BUB1B: variants seen among roughly 807,000 people sequenced by gnomAD.
BUB1B encodes the protein BUB1 mitotic checkpoint serine/threonine kinase B, also known as mitotic checkpoint serine/threonine-protein kinase BUB1 beta.
Under a neutral mutation model 137.7 loss-of-function variants are expected in BUB1B, and 86 were observed. The ratio of observed to expected loss-of-function variants is 0.62; its 90% CI spans 0.52 to 0.75. BUB1B has a LOEUF of 0.75. Ranked by LOEUF, BUB1B falls within the 30% of genes least tolerant of loss-of-function variation. The pLI, the probability that BUB1B is intolerant of heterozygous loss-of-function variation, is 0.00. For missense variants in BUB1B, 1,130 were observed against 1,236.9 expected, an observed-to-expected ratio of 0.91 and a Z score of 1.30; for synonymous variants, 420 against 417.9, an observed-to-expected ratio of 1.00 and a Z score of -0.06.
intron 1 of BUB1B, among the ~76,000 whole-genome samples, chr15:40,163,293 G>C (rs758159498): frequency 7.2e-5 from 11 of 152,274 alleles, no homozygotes; most frequent in Middle Eastern, 3.4e-3. Flanking sequence ...ATCTGTAAAG[G>C]CTGGGAGCGG....
At chr15:40,207,034 T>C (rs1178917065) in intron 15 of BUB1B, among the ~76,000 whole-genome samples, 1 of 152,000 alleles carries the variant, frequency 6.6e-6, no homozygotes, top group African/African-American at 2.4e-5. Flanking sequence ...GGTCTCAAAC[T>C]CCTGACCTCA....
At chr15:40,207,866 G>A (rs887929022) in intron 15 of BUB1B, among the ~76,000 whole-genome samples, 1 of 121,594 alleles carries the variant, frequency 8.2e-6, no homozygotes, top group Non-Finnish European at 1.8e-5. Context: ...GTGATGCCTT[G>A]TGTCTAATAA....
At chr15:40,176,795 A>G in intron 5 of BUB1B, 122 bp downstream of exon 5, 2 of 1,026,728 alleles carry the variant, frequency 1.9e-6, no homozygotes, top group South Asian at 3.2e-5. Flanking sequence ...GTTACTATTC[A>G]ATTTTTTTAA....
intron 22 of BUB1B, among the ~76,000 whole-genome samples, chr15:40,218,949 T>A (rs1255561481): frequency 6.6e-6 from 1 of 152,234 alleles, no homozygotes; most frequent in African/African-American, 2.4e-5. Flanking sequence ...TCTCGCTCTG[T>A]TGCCCAGGCT....
At chr15:40,183,232 T>C (rs2037316879) in intron 5 of BUB1B, among the ~76,000 whole-genome samples, 1 of 152,222 alleles carries the variant, frequency 6.6e-6, no homozygotes, top group African/African-American at 2.4e-5. Context: ...TGTCATGTCA[T>C]ATGCAACTTC....
chr15:40,212,524 A>G lies in BUB1B; in HGVS notation c.2411A>G (p.Asp804Gly), dbSNP rs746199654. The G allele has an allele frequency of 6.2e-7, 1 of 1,612,868 alleles. No homozygotes were observed. The highest frequency in any genetic ancestry group is 1.1e-5 in the South Asian group (1 of 91,052). ...GTATCTTCTCAACCTGTCCCATGGG[A>G]CTTTTATATCAACCTCAAGTTAAAG... Reference protein sequence around the residue: ...IKVSSQPVPWDFYINLKLKER... With the variant: ...IKVSSQPVPWGFYINLKLKER... The change falls in exon 19 of 23, where the codon GAC (aspartate) becomes GGC (glycine). Residue 804 changes from aspartate (D) to glycine (G), a missense_variant. Coordinates refer to ENST00000287598, the MANE Select transcript of BUB1B (RefSeq NM_001211.6).
chr15:40,174,513 G>GT (rs922214825), intron 4 of BUB1B, among the ~76,000 whole-genome samples: 1 of 152,172 alleles, frequency 6.6e-6, no homozygotes, highest in African/African-American at 2.4e-5. Flanking sequence ...GCCATTAATT[G>GT]TAACTGTAAC....
In BUB1B at chr15:40,209,857, G is replaced by A. The variant is rs2037688339; in HGVS notation, c.2284+82G>A. ...ATTTGTACTTAAGCTTGATGCTTGA[G>A]CACTGTAAATATTCCTAGATTGTAT... On this transcript the variant is annotated intron_variant, in intron 17 of 22. Coordinates refer to ENST00000287598, the MANE Select transcript of BUB1B (RefSeq NM_001211.6). The A allele has an allele frequency of 4.5e-6, 7 of 1,542,638 alleles. No homozygotes were observed. The South Asian group carries it at 6.8e-5, about 15-fold the overall frequency.
At chr15:40,167,588 G>A (rs1168308837) in intron 2 of BUB1B, among the ~76,000 whole-genome samples, 4 of 152,154 alleles carry the variant, frequency 2.6e-5, no homozygotes, top group East Asian at 1.9e-4. Context: ...TGATCCGCCC[G>A]CCTCGGCCTC....
Position 40,218,508 on chromosome 15 carries a change from A to G in BUB1B, c.2903A>G (p.His968Arg), listed in dbSNP as rs770667608. ...DLAHLLLFKE[H>R]LQVFWDGSFW... ...GCACATTTACTATTGTTCAAGGAACACCTACAGGTCTTCTGGGATGGGTCC... is the reference window on the plus strand; with the variant it reads ...GCACATTTACTATTGTTCAAGGAACGCCTACAGGTCTTCTGGGATGGGTCC... Residue 968 changes from histidine (H) to arginine (R), a missense_variant, in exon 22 of 23, where the codon CAC becomes CGC. Coordinates refer to ENST00000287598, the MANE Select transcript of BUB1B (RefSeq NM_001211.6). 1.1e-5 allele frequency: 17 copies of G among 1,614,038 alleles called. No individual in the cohort carries two copies. The highest frequency in any genetic ancestry group is 1.4e-5 in the Non-Finnish European group (16 of 1,180,002).
intron 3 of BUB1B, 151 bp from the exon 4 acceptor site, chr15:40,170,386 G>A (rs1218785716): frequency 1.0e-6 from 1 of 959,230 alleles, no homozygotes; most frequent in Admixed American, 2.1e-5. Flanking sequence ...ATACTTTGGA[G>A]AAGTTTGAGG....
chr15:40,198,996 T>G (rs1475379712), intron 9 of BUB1B, among the ~76,000 whole-genome samples: 1 of 152,184 alleles, frequency 6.6e-6, no homozygotes, highest in East Asian at 1.9e-4. Context: ...ATTCACCCTC[T>G]TACTATGCTG....
At chr15:40,202,231 T>G (rs1275843749) in intron 12 of BUB1B, among the ~76,000 whole-genome samples, 174 bp from the exon 13 acceptor site, 2 of 152,208 alleles carry the variant, frequency 1.3e-5, no homozygotes, top group Non-Finnish European at 2.9e-5. Context: ...CATCTAAGTT[T>G]AGGTAATTGG....
In BUB1B at chr15:40,185,196, A is replaced by G. The variant is rs376912927; in HGVS notation, c.783A>G (p.Pro261=). Residue 261 remains proline (P), a synonymous_variant, in exon 7 of 23, where the codon CCA becomes CCG. Coordinates refer to ENST00000287598, the MANE Select transcript of BUB1B (RefSeq NM_001211.6). ...APSQNRGLQN[P]FPQQMQNNSR... is the part of the protein sequence containing the mutation. ...GCCAGAACAGAGGACTCCAAAATCC[A>G]TTTCCTCAACAGATGCAAAATAATA... 1.2e-5 allele frequency: 20 copies of G among 1,614,160 alleles called. No homozygotes were observed. In the African/African-American group the frequency reaches 1.3e-4, roughly 11 times the overall value.
intron 2 of BUB1B, among the ~76,000 whole-genome samples, chr15:40,169,827 G>A (rs2037141407): frequency 2.0e-5 from 3 of 151,842 alleles, no homozygotes; most frequent in Admixed American, 2.0e-4. Flanking sequence ...TGCCCAGGCT[G>A]GTCTCAAACT....
chr15:40,185,059 T>A (rs979620495), intron 6 of BUB1B, 106 bp from the exon 7 acceptor site: 2 of 858,124 alleles, frequency 2.3e-6, no homozygotes, highest in Admixed American at 2.1e-5. Flanking sequence ...TTTTCTGTTG[T>A]AGTGGAAATA....
intron 21 of BUB1B, among the ~76,000 whole-genome samples, chr15:40,217,889 C>T (rs1167112409): frequency 2.0e-5 from 3 of 152,168 alleles, no homozygotes; most frequent in Non-Finnish European, 4.4e-5. Context: ...TAACCGAGTG[C>T]CAGGGCCACT....
chr15:40,213,259 T>C lies in BUB1B; in HGVS notation c.2536-73T>C, dbSNP rs2037736409. On this transcript the variant is annotated intron_variant, in intron 19 of 22. Coordinates refer to ENST00000287598, the MANE Select transcript of BUB1B (RefSeq NM_001211.6). ...ACAAGGAAGACTACAAACCATCAGT[T>C]TTCAAGGTATTGAGTATAACTACGA... 6 of 1,540,748 alleles carry C rather than the reference T, an allele frequency of 3.9e-6. No individual in the cohort carries two copies. The South Asian group carries it at 4.5e-5, about 12-fold the overall frequency.
intron 8 of BUB1B, among the ~76,000 whole-genome samples, chr15:40,195,445 A>C (rs1430270531): frequency 6.6e-6 from 1 of 152,134 alleles, no homozygotes; most frequent in Non-Finnish European, 1.5e-5. Flanking sequence ...TAAAATATGC[A>C]TGTGCAAGTA....
Sources: allele counts gnomAD v4.1 joint callset (sites outside exome capture counted in the v4.1 genomes callset), GRCh38; gene constraint gnomAD v4.1.1; transcripts MANE v1.5; gene names NCBI Gene and HGNC (gene_info 2026-07-23, HGNC 2026-07-21).